Variants in LARP4B observed in about 807,000 individuals in gnomAD.
LARP4B encodes the protein La ribonucleoprotein 4B.
Under a neutral mutation model 89.8 loss-of-function variants are expected in LARP4B, and 12 were observed. The observed-to-expected ratio is 0.13, with a 90% confidence interval of 0.09 to 0.22. The LOEUF (loss-of-function observed/expected upper bound fraction) is 0.22. Among genes scored for constraint, LARP4B ranks in the 10% least tolerant of loss-of-function variants. The pLI, the probability that LARP4B is intolerant of heterozygous loss-of-function variation, is 1.00. For synonymous variants in LARP4B, 367 were observed against 363.3 expected, an observed-to-expected ratio of 1.01 and a Z score of -0.12; for missense variants, 757 against 947.7, an observed-to-expected ratio of 0.80 and a Z score of 2.64.
Position 829,555 on chromosome 10 carries a change from A to G in LARP4B, c.955T>C (p.Leu319=). 20 of 1,614,222 alleles carry G rather than the reference A, an allele frequency of 1.2e-5. No homozygotes were observed. The highest frequency in any genetic ancestry group is 1.7e-5 in the Admixed American group (1 of 60,030). ...KAKAIAINTF[L]PKNGFRPLDV... Reference sequence around the variant, plus strand: ...AGGGGTCTAAATCCATTCTTTGGCAAAAATGTGTTTATAGCTATTGCCTTT... The same window carrying G: ...AGGGGTCTAAATCCATTCTTTGGCAGAAATGTGTTTATAGCTATTGCCTTT... Residue 319 remains leucine (L), a synonymous_variant, in exon 11 of 18, where the codon TTG becomes CTG. Coordinates refer to ENST00000316157, the MANE Select transcript of LARP4B (RefSeq NM_015155.3).
chr10:821,280 G>A (rs999171187), intron 13 of LARP4B, among the ~76,000 whole-genome samples: 5 of 152,144 alleles, frequency 3.3e-5, no homozygotes, highest in Admixed American at 1.3e-4. Context: ...CCCAAATACC[G>A]CGTCCCATCC....
chr10:853,815 A>G (rs559269452), intron 5 of LARP4B, among the ~76,000 whole-genome samples: 31 of 152,320 alleles, frequency 2.0e-4, no homozygotes, highest in African/African-American at 6.7e-4. Context: ...TGGCTGCTGA[A>G]AACTTGGGTG....
intron 1 of LARP4B, among the ~76,000 whole-genome samples, chr10:919,514 G>A (rs995355139): frequency 6.6e-6 from 1 of 151,998 alleles, no homozygotes; most frequent in Admixed American, 6.6e-5. Flanking sequence ...AAGGGAGGGG[G>A]CTTTCAATCC....
At chr10:906,285 ATTTG>A (rs775647003) in intron 1 of LARP4B, among the ~76,000 whole-genome samples, 15 of 152,132 alleles carry the variant, frequency 9.9e-5, no homozygotes, top group Non-Finnish European at 1.5e-4. Flanking sequence ...TTTCTCTGTG[ATTTG>A]TTTTTGAGAT....
chr10:980,288 G>A, the LARP4B span, among the ~76,000 whole-genome samples: 2 of 152,166 alleles, frequency 1.3e-5, no homozygotes, highest in African/African-American at 4.8e-5. Context: ...AGCTGCTGGT[G>A]GATCTACCAT....
downstream of LARP4B, chr10:807,702 G>T (rs539393733): frequency 6.6e-6 from 1 of 152,430 alleles, no homozygotes; most frequent in Admixed American, 6.5e-5. Flanking sequence ...CGGCTGGCCT[G>T]GCATATATGC....
At chr10:927,511 AAGTAG>A (rs1486605526) in intron 1 of LARP4B, among the ~76,000 whole-genome samples, 1 of 152,244 alleles carries the variant, frequency 6.6e-6, no homozygotes, top group Non-Finnish European at 1.5e-5. Context: ...ATAACTCTAG[AAGTAG>A]AGTAGTTACA....
At chr10:941,030 G>A in the LARP4B span, among the ~76,000 whole-genome samples, 43 of 152,306 alleles carry the variant, frequency 2.8e-4, no homozygotes, top group African/African-American at 1.0e-3. Flanking sequence ...CAGTTTTGTG[G>A]ACGAGGAGGT....
chr10:935,167 G>C (rs1044210189), upstream of LARP4B, among the ~76,000 whole-genome samples: 10 of 151,992 alleles, frequency 6.6e-5, no homozygotes, highest in African/African-American at 1.9e-4. Context: ...GAGTTGATGA[G>C]TCTACACTTG....
chr10:860,766 G>T lies in LARP4B; in HGVS notation c.430+2977C>A, dbSNP rs545178696. Among the ~76,000 whole-genome samples the T allele has an allele frequency of 3.9e-5, 6 of 152,226 alleles. No homozygotes were observed. The East Asian group carries it at 1.2e-3, about 29-fold the overall frequency. On this transcript the variant is annotated intron_variant, in intron 5 of 17. Coordinates refer to ENST00000316157, the MANE Select transcript of LARP4B (RefSeq NM_015155.3). ...TCACACGTCTGTTGTCCAGCAACTT[G>T]TGGGGCTGATGCACATCTCTTGGGC... is the stretch of plus-strand genomic sequence containing the variant.
intron 3 of LARP4B, among the ~76,000 whole-genome samples, chr10:875,654 C>T (rs547069621): frequency 2.4e-4 from 37 of 152,344 alleles, no homozygotes; most frequent in African/African-American, 8.9e-4. Flanking sequence ...TCTGGAGAGG[C>T]CTTTGTGCTG....
chr10:946,528 G>A, the LARP4B span, among the ~76,000 whole-genome samples: 1 of 152,194 alleles, frequency 6.6e-6, no homozygotes, highest in Non-Finnish European at 1.5e-5. Context: ...CTCCAGTTAT[G>A]AAAGAATCTC....
chr10:953,757 C>T, the LARP4B span, among the ~76,000 whole-genome samples: 1 of 152,204 alleles, frequency 6.6e-6, no homozygotes, highest in Non-Finnish European at 1.5e-5. Context: ...TCCTAGGATG[C>T]GCTAGAAGCA....
chr10:820,196 C>A (rs1415761130), intron 14 of LARP4B: 1 of 152,494 alleles, frequency 6.6e-6, no homozygotes, highest in Non-Finnish European at 1.5e-5. Flanking sequence ...CCATCCTCCA[C>A]TAAAGACCAG....
At chr10:891,271 C>A (rs1339474627) in intron 1 of LARP4B, among the ~76,000 whole-genome samples, 10 of 152,104 alleles carry the variant, frequency 6.6e-5, no homozygotes, top group Admixed American at 6.5e-4. Context: ...TCGGAACTGG[C>A]TTCTTCAACA....
At chr10:848,072 G>A (rs1833865548) in intron 5 of LARP4B, among the ~76,000 whole-genome samples, 1 of 152,222 alleles carries the variant, frequency 6.6e-6, no homozygotes, top group Non-Finnish European at 1.5e-5. Context: ...GCACGGATGT[G>A]ATGAAACTAC....
intron 13 of LARP4B, 137 bp from the exon 14 acceptor site, chr10:820,982 C>T (rs772276770): frequency 1.3e-6 from 1 of 740,850 alleles, no homozygotes; most frequent in African/African-American, 1.8e-5. Context: ...AGATGACTTT[C>T]AATTCTAAAA....
At chr10:926,748 T>C (rs1262493902) in intron 1 of LARP4B, among the ~76,000 whole-genome samples, 1 of 152,200 alleles carries the variant, frequency 6.6e-6, no homozygotes, top group African/African-American at 2.4e-5. Flanking sequence ...AAATTTGTGT[T>C]AAACATGGCC....
the LARP4B span, chr10:972,552 G>A: frequency 2.2e-6 from 1 of 457,124 alleles, no homozygotes; most frequent in Non-Finnish European, 4.4e-6. Context: ...GTAGAAGCCA[G>A]AGGAAGACAG....
Sources: allele counts gnomAD v4.1 joint callset (sites outside exome capture counted in the v4.1 genomes callset), GRCh38; gene constraint gnomAD v4.1.1; transcripts MANE v1.5; gene names NCBI Gene and HGNC (gene_info 2026-07-23, HGNC 2026-07-21).